The following LARP4B variants were observed in gnomAD, a reference collection of about 807,000 sequenced individuals.
LARP4B encodes La ribonucleoprotein 4B.
A neutral mutation model predicts 89.8 loss-of-function variants in LARP4B; 12 were observed. The observed-to-expected ratio is 0.13, with a 90% CI of 0.09 to 0.22. LARP4B has a LOEUF of 0.22. Among genes scored for constraint, LARP4B ranks in the 10% least tolerant of loss-of-function variants. The pLI, the probability that LARP4B is intolerant of heterozygous loss-of-function variation, is 1.00. For missense variants in LARP4B, 757 were observed against 947.7 expected (o/e 0.80, Z 2.64); for synonymous variants, 367 against 363.3 (o/e 1.01, Z -0.12).
chr10:942,451 C>G, the LARP4B span: 1 of 152,216 alleles, frequency 6.6e-6, no homozygotes, highest in Non-Finnish European at 1.5e-5. Context: ...TAACCAGGAT[C>G]TTCTTTTACG....
At chr10:908,211 C>T (rs1035240466) in intron 1 of LARP4B, among the ~76,000 whole-genome samples, 6 of 152,130 alleles carry the variant, frequency 3.9e-5, no homozygotes, top group Admixed American at 3.3e-4. Context: ...AGACTCCGAC[C>T]CAACAACAAC....
At position 885,704 on chromosome 10, in the gene LARP4B, G is replaced by A. The variant is rs143117200; in HGVS notation, c.18C>T (p.Asp6=). MTSDQ[D]AKVVAEPQTQ... ...TCTGCGGTTCAGCCACAACCTTAGC[G>A]TCCTGATCAGAAGTCATGGGCTCCA... Residue 6 remains aspartate, a synonymous_variant, in exon 2 of 18, where the codon GAC becomes GAT. Coordinates refer to ENST00000316157, the MANE Select transcript of LARP4B (RefSeq NM_015155.3). 5.8e-5 allele frequency: 94 copies of A among 1,613,892 alleles called. No homozygotes were observed. The highest frequency in any genetic ancestry group is 7.3e-5 in the Non-Finnish European group (86 of 1,179,922).
upstream of LARP4B, chr10:933,172 G>A (rs946739967): frequency 6.6e-6 from 1 of 152,358 alleles, no homozygotes; most frequent in East Asian, 1.9e-4. Flanking sequence ...GCTCTGATTG[G>A]CTACATATAC....
chr10:961,234 T>C, the LARP4B span, among the ~76,000 whole-genome samples: 1 of 152,250 alleles, frequency 6.6e-6, no homozygotes, highest in Admixed American at 6.5e-5. Context: ...TGATGGCTGT[T>C]GTCTTAGTCC....
In LARP4B at chr10:830,987, A is replaced by T. The variant is rs771472360; in HGVS notation, c.751-10T>A. 2 of 981,528 alleles carry T rather than the reference A, an allele frequency of 2.0e-6. No individual in the cohort carries two copies. Among genetic ancestry groups the T allele is most frequent in the Admixed American group, 2.3e-5 (1 of 43,548 alleles). The allele number at this position is 981,528 out of a possible 1,614,324, so 60.8% of individuals were successfully genotyped here. On this transcript the variant is annotated splice_polypyrimidine_tract_variant and intron_variant, in intron 8 of 17. Transcript: ENST00000316157. ...ATAGTGCTTCTACTTCCTACAGGAA[A>T]TAGAGATGTTAGAAATTAATTCTCA...
At chr10:849,426 C>T (rs368985468) in intron 5 of LARP4B, among the ~76,000 whole-genome samples, 2 of 152,052 alleles carry the variant, frequency 1.3e-5, no homozygotes, top group African/African-American at 2.4e-5. Context: ...ATTTGAGCAA[C>T]AAAATAAAGC....
At chr10:825,614 T>C (rs937543684) in intron 12 of LARP4B, 150 bp downstream of exon 12, 5 of 640,868 alleles carry the variant, frequency 7.8e-6, no homozygotes, top group Non-Finnish European at 1.3e-5. Context: ...CCATGCCAGA[T>C]TGTAGTGCTT....
At chr10:846,288 T>C (rs1345992745) in intron 5 of LARP4B, among the ~76,000 whole-genome samples, 18 of 152,144 alleles carry the variant, frequency 1.2e-4, no homozygotes, top group Non-Finnish European at 2.9e-5. Context: ...AACACTCTGG[T>C]GGGAGAGGCA....
chr10:962,150 G>A, the LARP4B span, among the ~76,000 whole-genome samples: 1 of 152,094 alleles, frequency 6.6e-6, no homozygotes, highest in East Asian at 1.9e-4. Flanking sequence ...AAAAAAATTA[G>A]CCAGGTGTGG....
the LARP4B span, among the ~76,000 whole-genome samples, chr10:967,065 T>A: frequency 4.6e-5 from 7 of 152,310 alleles, no homozygotes; most frequent in East Asian, 1.4e-3. Flanking sequence ...GGGTCTCCGA[T>A]GAGGCCTCCC....
intron 3 of LARP4B, among the ~76,000 whole-genome samples, chr10:882,953 C>T (rs903287164): frequency 6.6e-6 from 1 of 152,198 alleles, no homozygotes; most frequent in Non-Finnish European, 1.5e-5. Flanking sequence ...ATGCAAACTC[C>T]TGGTCAACTA....
intron 6 of LARP4B, among the ~76,000 whole-genome samples, chr10:844,245 G>A (rs768098731): frequency 2.6e-5 from 4 of 152,230 alleles, no homozygotes; most frequent in Non-Finnish European, 5.9e-5. Context: ...CCACTAGGGC[G>A]TTCCACTGGT....
At chr10:916,326 G>C (rs752684462) in intron 1 of LARP4B, among the ~76,000 whole-genome samples, 9 of 152,126 alleles carry the variant, frequency 5.9e-5, no homozygotes, top group Non-Finnish European at 7.4e-5. Context: ...TTCTCAAAAA[G>C]TAGTTTACAC....
intron 3 of LARP4B, among the ~76,000 whole-genome samples, chr10:883,521 T>C (rs1835751203): frequency 6.6e-6 from 1 of 151,656 alleles, no homozygotes; most frequent in African/African-American, 2.4e-5. Context: ...AAAAAAATAA[T>C]AATAAAAAAA....
intron 5 of LARP4B, among the ~76,000 whole-genome samples, chr10:848,179 A>G (rs961262125): frequency 6.6e-6 from 1 of 152,062 alleles, no homozygotes; most frequent in Non-Finnish European, 1.5e-5. Context: ...CCCCACCAGA[A>G]ACTCTTGTGA....
intron 13 of LARP4B, among the ~76,000 whole-genome samples, chr10:824,318 T>G (rs898131065): frequency 5.9e-5 from 9 of 151,898 alleles, no homozygotes; most frequent in African/African-American, 2.2e-4. Context: ...CACAGCGAGA[T>G]CCTGTCTCTA....
intron 5 of LARP4B, among the ~76,000 whole-genome samples, chr10:852,424 CA>C (rs1259310014): frequency 1.3e-5 from 2 of 152,198 alleles, no homozygotes; most frequent in Non-Finnish European, 2.9e-5. Context: ...TGACAAATTA[CA>C]ATATTCATTC....
chr10:981,705 G>C, the LARP4B span, among the ~76,000 whole-genome samples: 2 of 152,100 alleles, frequency 1.3e-5, no homozygotes, highest in Non-Finnish European at 2.9e-5. Flanking sequence ...GAATAGCTGG[G>C]ATTACAGGCG....
chr10:903,410 C>T (rs141356945), intron 1 of LARP4B: 38 of 152,314 alleles, frequency 2.5e-4, no homozygotes, highest in African/African-American at 8.9e-4. Flanking sequence ...TAAGGAATTG[C>T]ATATATAAAC....
Sources: allele counts gnomAD v4.1 joint callset (sites outside exome capture counted in the v4.1 genomes callset), GRCh38; gene constraint gnomAD v4.1.1; transcripts MANE v1.5; gene names NCBI Gene and HGNC (gene_info 2026-07-23, HGNC 2026-07-21).